Variants in UBE2J1 observed in about 807,000 individuals in gnomAD.
UBE2J1 encodes ubiquitin conjugating enzyme E2 J1, also known as ubiquitin-conjugating enzyme E2 J1.
In UBE2J1, 17 loss-of-function variants were observed where a neutral mutation model predicts 42.1. The observed-to-expected ratio is 0.40, with a 90% CI of 0.28 to 0.61. The LOEUF is 0.61. Ranked by LOEUF, UBE2J1 falls within the 20% of genes least tolerant of loss-of-function variation. The probability of loss-of-function intolerance (pLI) is 0.38; values close to 1 mark genes in which losing one functional copy is unlikely to be tolerated. For synonymous variants in UBE2J1, 127 were observed against 137.2 expected (o/e 0.93, Z 0.52); for missense variants, 291 against 389.4 (o/e 0.75, Z 2.13).
At chr6:89,349,219 C>A (rs1768418094) in intron 1 of UBE2J1, among the ~76,000 whole-genome samples, 1 of 151,814 alleles carries the variant, frequency 6.6e-6, no homozygotes, top group South Asian at 2.1e-4. Context: ...GCTGGGAGAC[C>A]CTGCCTCAAA....
intron 1 of UBE2J1, among the ~76,000 whole-genome samples, chr6:89,345,032 T>C (rs1768331595): frequency 6.6e-6 from 1 of 152,164 alleles, no homozygotes; most frequent in Non-Finnish European, 1.5e-5. Flanking sequence ...TTGCAACCAC[T>C]GATGTAGCTC....
intron 7 of UBE2J1, 132 bp downstream of exon 7, chr6:89,332,954 G>A: frequency 4.6e-6 from 3 of 645,816 alleles, no homozygotes; most frequent in Non-Finnish European, 7.2e-6. Flanking sequence ...TTCATTAGCG[G>A]GACTGATGAG....
At chr6:89,346,391 CAG>C (rs1253258039) in intron 1 of UBE2J1, among the ~76,000 whole-genome samples, 1 of 152,050 alleles carries the variant, frequency 6.6e-6, no homozygotes, top group Non-Finnish European at 1.5e-5. Flanking sequence ...CAATACAAAA[CAG>C]AATGATAAAT....
intron 7 of UBE2J1, among the ~76,000 whole-genome samples, chr6:89,331,978 C>T (rs1768017176): frequency 6.6e-6 from 1 of 152,200 alleles, no homozygotes; most frequent in African/African-American, 2.4e-5. Flanking sequence ...CTCATCGCTA[C>T]ACACTTTTTT....
intron 1 of UBE2J1, among the ~76,000 whole-genome samples, chr6:89,346,300 A>G (rs1274159588): frequency 2.6e-5 from 4 of 152,168 alleles, no homozygotes; most frequent in Admixed American, 2.0e-4. Flanking sequence ...TTGAGTTCCT[A>G]CTAGGTACTA....
At chr6:89,341,702 C>A (rs1205409407) in intron 3 of UBE2J1, among the ~76,000 whole-genome samples, 3 of 149,334 alleles carry the variant, frequency 2.0e-5, no homozygotes, top group Non-Finnish European at 4.4e-5. Context: ...CCAGCCTGGG[C>A]AACAGAGAAA....
At chr6:89,339,492 AT>A (rs1369747440) in intron 3 of UBE2J1, among the ~76,000 whole-genome samples, 4 of 1,228 alleles carry the variant, frequency 3.3e-3, no homozygotes, top group African/African-American at 8.5e-3. Context: ...AGGAGAGGGG[AT>A]GGGGGAGGAG....
chr6:89,332,045 T>A (rs1372366396), intron 7 of UBE2J1, among the ~76,000 whole-genome samples: 1 of 152,188 alleles, frequency 6.6e-6, no homozygotes, highest in Non-Finnish European at 1.5e-5. Flanking sequence ...TTCAACCAAC[T>A]TTTCTCTGCC....
At chr6:89,333,359 C>T (rs1171746076) in intron 6 of UBE2J1, among the ~76,000 whole-genome samples, 154 bp from the exon 7 acceptor site, 2 of 152,180 alleles carry the variant, frequency 1.3e-5, no homozygotes, top group African/African-American at 2.4e-5. Context: ...ACTCTTGTGT[C>T]CAACACTGTA....
At chr6:89,330,057 G>A (rs1466876055) in intron 7 of UBE2J1, 100 bp from the exon 8 acceptor site, 10 of 1,159,106 alleles carry the variant, frequency 8.6e-6, no homozygotes, top group Non-Finnish European at 1.2e-5. Context: ...GACAACATAT[G>A]ACTAAGGGCA....
At chr6:89,341,011 A>G (rs1395762997) in intron 3 of UBE2J1, among the ~76,000 whole-genome samples, 2 of 151,194 alleles carry the variant, frequency 1.3e-5, no homozygotes, top group Non-Finnish European at 2.9e-5. Context: ...TCCTGACCTC[A>G]TGATCCACCC....
rs1767922034 is a variant in UBE2J1, at chr6:89,326,941, A to G, written c.*2738T>C. ...TAAAAATGGGTGGTCTCAAAAGACC[A>G]GAAAGTTTATTCATAGCCAAAAATG... is the stretch of plus-strand genomic sequence containing the variant. On this transcript the variant is annotated 3_prime_UTR_variant, in exon 8 of 8. Transcript: ENST00000435041. 1 of 152,628 alleles carries G rather than the reference A, an allele frequency of 6.6e-6. No individual in the cohort carries two copies. Among genetic ancestry groups the G allele is most frequent in the Non-Finnish European group, 1.5e-5 (1 of 68,028 alleles). 9.5% of individuals were successfully genotyped at this position (152,628 alleles called of 1,614,324 possible).
At chr6:89,336,503 T>A (rs1445711763) in intron 5 of UBE2J1, among the ~76,000 whole-genome samples, 1 of 139,114 alleles carries the variant, frequency 7.2e-6, no homozygotes, top group African/African-American at 2.6e-5. Flanking sequence ...TTTATTATTA[T>A]TTTTTTTTTT....
At position 89,338,504 on chromosome 6, in the gene UBE2J1, TCAAA is replaced by T. The variant is rs1370593349; in HGVS notation, c.273_276del (p.Cys91Ter). ...GTTTCAGGATGATGGCCTGAGATGC[TCAAA>T]CAGATTTTCTTGCCCACTTCAAATC... is the stretch of plus-strand genomic sequence containing the variant. On this transcript the variant is annotated frameshift_variant, in exon 4 of 8. Coordinates refer to ENST00000435041, the MANE Select transcript of UBE2J1 (RefSeq NM_016021.3). LOFTEE classifies it high-confidence loss of function. 1.9e-6 allele frequency: 3 copies of T among 1,597,546 alleles called. No individual in the cohort carries two copies. The highest frequency in any genetic ancestry group is 2.6e-6 in the Non-Finnish European group (3 of 1,175,696).
Position 89,327,148 on chromosome 6 carries a change from GAA to G in UBE2J1, c.*2529_*2530del, listed in dbSNP as rs1377386708. On this transcript the variant is annotated 3_prime_UTR_variant, in exon 8 of 8. Coordinates refer to ENST00000435041, the MANE Select transcript of UBE2J1 (RefSeq NM_016021.3). ...AAAAGCCCCACATTACATAAATTTT[GAA>G]AAGTTTATTGGCTTAAACAGTTACA... The G allele has an allele frequency of 3.3e-5, 5 of 151,520 alleles. No individual in the cohort carries two copies. The highest frequency in any genetic ancestry group is 3.9e-4 in the East Asian group (2 of 5,108). The allele number at this position is 151,520 out of a possible 1,614,324, so 9.4% of individuals were successfully genotyped here.
chr6:89,350,709 A>T (rs922034455), intron 1 of UBE2J1, among the ~76,000 whole-genome samples: 1 of 152,308 alleles, frequency 6.6e-6, no homozygotes, highest in South Asian at 2.1e-4. Flanking sequence ...TAGTTCACAT[A>T]CTTTGGAAAT....
At position 89,342,523 on chromosome 6, in the gene UBE2J1, T is replaced by C. The variant is rs1768266808; in HGVS notation, c.106-68A>G. 2.1e-6 allele frequency: 3 copies of C among 1,422,964 alleles called. No individual in the cohort carries two copies. The East Asian group carries it at 7.3e-5, about 35-fold the overall frequency. The allele number at this position is 1,422,964 out of a possible 1,614,324, so 88.1% of individuals were successfully genotyped here. A position where few individuals can be genotyped will look rare whatever the true frequency, so the allele number is the denominator to read the frequency against. On this transcript the variant is annotated intron_variant, in intron 2 of 7. Transcript: ENST00000435041. ...AAGTTTGATCATTTTATCTGAATATTAGAAATATTACCAAGCAAGAAAAAT... is the reference window on the plus strand; with the variant it reads ...AAGTTTGATCATTTTATCTGAATATCAGAAATATTACCAAGCAAGAAAAAT...
In UBE2J1 at chr6:89,327,114, G is replaced by C. The variant is rs116816999; in HGVS notation, c.*2565C>G. On this transcript the variant is annotated 3_prime_UTR_variant, in exon 8 of 8. Transcript: ENST00000435041. ...ACAATAAGCAGCATGAAAACGTAAA[G>C]TGCTACATAAAAGCCCCACATTACA... The C allele has an allele frequency of 1.4e-3, 213 of 152,390 alleles. No homozygotes were observed. The highest frequency in any genetic ancestry group is 4.9e-3 in the African/African-American group (204 of 41,476). 9.4% of individuals were successfully genotyped at this position (152,390 alleles called of 1,614,324 possible). A position where few individuals can be genotyped will look rare whatever the true frequency, so the allele number is the denominator to read the frequency against.
At chr6:89,347,950 A>C (rs1768392810) in intron 1 of UBE2J1, among the ~76,000 whole-genome samples, 1 of 152,120 alleles carries the variant, frequency 6.6e-6, no homozygotes, top group African/African-American at 2.4e-5. Flanking sequence ...CTTCTCAATG[A>C]TTCTTCCTAA....
Sources: allele counts gnomAD v4.1 joint callset (sites outside exome capture counted in the v4.1 genomes callset), GRCh38; gene constraint gnomAD v4.1.1; transcripts MANE v1.5; gene names NCBI Gene and HGNC (gene_info 2026-07-23, HGNC 2026-07-21).